Variants in CPLANE1 observed in about 807,000 individuals in gnomAD.
CPLANE1 encodes ciliogenesis and planar polarity effector complex subunit 1, also known as ciliogenesis and planar polarity effector 1.
A neutral mutation model predicts 362.5 loss-of-function variants in CPLANE1; 263 were observed. That is an observed-to-expected ratio of 0.73 (90% CI 0.66 to 0.80). The LOEUF (loss-of-function observed/expected upper bound fraction) is 0.80. Ranked by LOEUF, CPLANE1 falls within the 30% of genes least tolerant of loss-of-function variation. The pLI is 0.00. For synonymous variants in CPLANE1, 1,212 were observed against 1,302.6 expected (o/e 0.93, Z 1.50); for missense variants, 3,461 against 3,793.4 (o/e 0.91, Z 2.30).
chr5:37,167,993 G>A (rs1316497005), intron 34 of CPLANE1, among the ~76,000 whole-genome samples: 1 of 152,122 alleles, frequency 6.6e-6, no homozygotes, highest in Non-Finnish European at 1.5e-5. Flanking sequence ...AGAAAAGGAA[G>A]CATGGTAAGT....
In CPLANE1 at chr5:37,107,241, A is replaced by G. The variant is rs1400306072; in HGVS notation, c.*361T>C. 8 of 1,009,956 alleles carry G rather than the reference A, an allele frequency of 7.9e-6. No individual in the cohort carries two copies. Among genetic ancestry groups the G allele is most frequent in the African/African-American group, 6.9e-5 (4 of 58,256 alleles). 62.6% of individuals were successfully genotyped at this position (1,009,956 alleles called of 1,614,324 possible). A position where few individuals can be genotyped will look rare whatever the true frequency, so the allele number is the denominator to read the frequency against. On this transcript the variant is annotated 3_prime_UTR_variant, in exon 53 of 53. Transcript: ENST00000651892. Reference sequence around the variant, plus strand: ...TTTTTCCTATTAGATTCATCTGTATATGGTTGTTTCTCAAAACTCAGAGGG... The same window carrying G: ...TTTTTCCTATTAGATTCATCTGTATGTGGTTGTTTCTCAAAACTCAGAGGG...
At chr5:37,210,282 G>A in intron 16 of CPLANE1, 1 of 1,595,886 alleles carries the variant, frequency 6.3e-7, no homozygotes, top group Non-Finnish European at 8.6e-7. Flanking sequence ...GAAGCAAAGA[G>A]TTGAAGCTTT....
Position 37,106,492 on chromosome 5 carries a change from A to G in CPLANE1, c.*1110T>C, listed in dbSNP as rs565528441. ...TGTATCAATAAAATACCCATAGAAT[A>G]TACAAAAAAGAAACTAACAGAAAAC... On this transcript the variant is annotated 3_prime_UTR_variant, in exon 53 of 53. Coordinates refer to ENST00000651892, the MANE Select transcript of CPLANE1 (RefSeq NM_001384732.1). 1 of 386,972 alleles carries G rather than the reference A, an allele frequency of 2.6e-6. No homozygotes were observed. The highest frequency in any genetic ancestry group is 2.2e-5 in the African/African-American group (1 of 46,332). The allele number at this position is 386,972 out of a possible 1,614,324, so 24.0% of individuals were successfully genotyped here. A position where few individuals can be genotyped will look rare whatever the true frequency, so the allele number is the denominator to read the frequency against.
At chr5:37,242,921 C>A (rs897307731) in intron 6 of CPLANE1, 92 bp downstream of exon 6, 12 of 767,288 alleles carry the variant, frequency 1.6e-5, no homozygotes, top group Non-Finnish European at 1.7e-5. Context: ...ATGATTGTGC[C>A]ACTACCCCCC....
chr5:37,090,195 T>C, the CPLANE1 span, among the ~76,000 whole-genome samples: 2,195 of 152,226 alleles, frequency 0.014, 54 homozygotes, highest in African/African-American at 0.051. Flanking sequence ...GAACAAGCCG[T>C]CTCTCAGGGG....
At position 37,180,109 on chromosome 5, in the gene CPLANE1, G is replaced by T; in HGVS notation, c.5645C>A (p.Thr1882Asn). 6.4e-7 allele frequency: 1 copy of T among 1,554,502 alleles called. No homozygotes were observed. Among genetic ancestry groups the T allele is most frequent in the Non-Finnish European group, 8.7e-7 (1 of 1,148,634 alleles). Reference sequence around the variant, plus strand: ...ATCAATATCTATAAATTCTTTTTTAGTATTATGAGTGATGGAAATAATATC... The same window carrying T: ...ATCAATATCTATAAATTCTTTTTTATTATTATGAGTGATGGAAATAATATC... ...NDDIISITHN[T>N]KKEFIDIDEN... Residue 1882 changes from threonine to asparagine, a missense_variant, in exon 28 of 53, where the codon ACT becomes AAT. Thr to Asn is a moderately conservative substitution (Grantham distance 65). This residue lies in a region of CPLANE1 where 3,380 missense variants were observed against 3,666.1 expected (regional missense o/e 0.92). Transcript: ENST00000651892.
At chr5:37,147,273 C>G (rs890191401) in intron 43 of CPLANE1, among the ~76,000 whole-genome samples, 2 of 152,078 alleles carry the variant, frequency 1.3e-5, no homozygotes, top group Admixed American at 6.5e-5. Context: ...GAAATTTTAA[C>G]AAATATCTAA....
At position 37,212,041 on chromosome 5, in the gene CPLANE1, A is replaced by T; in HGVS notation, c.2920+1518T>A. On this transcript the variant is annotated intron_variant, in intron 16 of 52. Coordinates refer to ENST00000651892, the MANE Select transcript of CPLANE1 (RefSeq NM_001384732.1). ...GAACAGCAAGTGAAAGAACGAAAGC[A>T]GAGAGAAGAAAGAAGGCAGAGTAAC... 4.3e-6 allele frequency: 4 copies of T among 933,140 alleles called. No homozygotes were observed. The Admixed American group carries it at 6.8e-5, about 16-fold the overall frequency. 57.8% of individuals were successfully genotyped at this position (933,140 alleles called of 1,614,324 possible).
intron 18 of CPLANE1, among the ~76,000 whole-genome samples, chr5:37,203,827 C>T (rs1338369585): frequency 6.6e-6 from 1 of 152,070 alleles, no homozygotes; most frequent in Non-Finnish European, 1.5e-5. Context: ...TTCATGTACA[C>T]ATTTTTGTGT....
chr5:37,157,601 G>T, intron 40 of CPLANE1, 69 bp downstream of exon 40: 1 of 1,342,300 alleles, frequency 7.4e-7, no homozygotes, highest in Non-Finnish European at 1.1e-6. Context: ...AGAGATGTGA[G>T]TAGGGATAAC....
In CPLANE1 at chr5:37,106,875, A is replaced by G; in HGVS notation, c.*727T>C. On this transcript the variant is annotated 3_prime_UTR_variant, in exon 53 of 53. Transcript: ENST00000651892. ...CTCATAAAAATTATCTCTTAAAACTATGACATTATTGGAGCACAATACCAA... is the reference window on the plus strand; with the variant it reads ...CTCATAAAAATTATCTCTTAAAACTGTGACATTATTGGAGCACAATACCAA... 1.0e-6 allele frequency: 1 copy of G among 985,056 alleles called. No homozygotes were observed. The highest frequency in any genetic ancestry group is 1.2e-6 in the Non-Finnish European group (1 of 829,556). 61.0% of individuals were successfully genotyped at this position (985,056 alleles called of 1,614,324 possible).
At chr5:37,136,814 C>A (rs548647854) in intron 46 of CPLANE1, among the ~76,000 whole-genome samples, 10 of 152,360 alleles carry the variant, frequency 6.6e-5, no homozygotes, top group East Asian at 5.8e-4. Context: ...TGTATCTTGG[C>A]GCCTTCTAGC....
intron 27 of CPLANE1, 114 bp from the exon 28 acceptor site, chr5:37,180,297 G>T: frequency 2.0e-6 from 1 of 498,112 alleles, no homozygotes; most frequent in Non-Finnish European, 3.3e-6. Context: ...CCAGGCTGGA[G>T]TGCAATGGCG....
chr5:37,157,006 C>T (rs951407885), intron 41 of CPLANE1, among the ~76,000 whole-genome samples: 13 of 152,148 alleles, frequency 8.5e-5, no homozygotes, highest in African/African-American at 2.9e-4. Context: ...TGAGAATTTC[C>T]CACCTTTTAC....
At position 37,107,464 on chromosome 5, in the gene CPLANE1, A is replaced by C; in HGVS notation, c.*138T>G. 1 of 1,313,910 alleles carries C rather than the reference A, an allele frequency of 7.6e-7. No homozygotes were observed. Among genetic ancestry groups the C allele is most frequent in the Non-Finnish European group, 9.8e-7 (1 of 1,024,894 alleles). The allele number at this position is 1,313,910 out of a possible 1,614,324, so 81.4% of individuals were successfully genotyped here. A position where few individuals can be genotyped will look rare whatever the true frequency, so the allele number is the denominator to read the frequency against. On this transcript the variant is annotated 3_prime_UTR_variant, in exon 53 of 53. Coordinates refer to ENST00000651892, the MANE Select transcript of CPLANE1 (RefSeq NM_001384732.1). ...TTTATTTTTCCTCTGGTAATGGCTA[A>C]TCCAGGTAATAATATGAAAGCAAAT...
At chr5:37,075,875 T>C in the CPLANE1 span, among the ~76,000 whole-genome samples, 1 of 152,152 alleles carries the variant, frequency 6.6e-6, no homozygotes, top group Non-Finnish European at 1.5e-5. Flanking sequence ...ACCCCTCACT[T>C]GTCAAGCCTC....
rs1399695239 is a variant in CPLANE1, at chr5:37,167,045, G to A, written c.7400+2C>T. The A allele has an allele frequency of 6.2e-7, 1 of 1,602,370 alleles. No homozygotes were observed. The highest frequency in any genetic ancestry group is 2.2e-5 in the East Asian group (1 of 44,728). Reference sequence around the variant, plus strand: ...TCAAATAAAATTTCACTTAAGCCTTGCCTTTTTTTACTGTCCTTTCCTTGT... The same window carrying A: ...TCAAATAAAATTTCACTTAAGCCTTACCTTTTTTTACTGTCCTTTCCTTGT... On this transcript the variant is annotated splice_donor_variant, in intron 35 of 52. Transcript: ENST00000651892. LOFTEE classifies it low-confidence loss of function (GC_TO_GT_DONOR).
At chr5:37,225,668 A>G (rs1432617866) in intron 12 of CPLANE1, among the ~76,000 whole-genome samples, 1 of 152,024 alleles carries the variant, frequency 6.6e-6, no homozygotes, top group South Asian at 2.1e-4. Flanking sequence ...CCTGGCCAAC[A>G]TGGTGAAACC....
Position 37,154,638 on chromosome 5 carries a change from G to A in CPLANE1, c.8120-645C>T, listed in dbSNP as rs1774541156. 2.0e-5 allele frequency among the ~76,000 whole-genome samples: 3 copies of A among 151,372 alleles called. 1 individual carries two copies. The South Asian group carries it at 6.3e-4, about 32-fold the overall frequency. On this transcript the variant is annotated intron_variant, in intron 41 of 52. Transcript: ENST00000651892. ...TTAAATGCACTCTTTTTCTGATGTT[G>A]GGGTCTCCTCCTCACTGTATTGCTC...
Sources: allele counts gnomAD v4.1 joint callset (sites outside exome capture counted in the v4.1 genomes callset), GRCh38; gene constraint gnomAD v4.1.1; regional missense constraint gnomAD v4.1.1; transcripts MANE v1.5; gene names NCBI Gene and HGNC (gene_info 2026-07-23, HGNC 2026-07-21).